PREP: variants seen among roughly 807,000 people sequenced by gnomAD.
The protein encoded by PREP is prolyl endopeptidase.
Under a neutral mutation model 87.6 loss-of-function variants are expected in PREP, and 29 were observed. That is an observed-to-expected ratio of 0.33 (90% CI 0.25 to 0.45). The LOEUF is 0.45. Among genes scored for constraint, PREP ranks in the 20% least tolerant of loss-of-function variants. PREP has a pLI of 1.00. For synonymous variants in PREP, 337 were observed against 328.6 expected (o/e 1.03, Z -0.28); for missense variants, 695 against 886.5 (o/e 0.78, Z 2.74).
intron 2 of PREP, among the ~76,000 whole-genome samples, chr6:105,383,184 T>C (rs1028658169): frequency 6.9e-6 from 1 of 145,352 alleles, no homozygotes; most frequent in Non-Finnish European, 1.5e-5. Flanking sequence ...CGTCCAGAAA[T>C]GGAAACAATA....
intron 10 of PREP, among the ~76,000 whole-genome samples, chr6:105,302,267 G>T (rs904311908): frequency 1.3e-5 from 2 of 152,212 alleles, no homozygotes; most frequent in African/African-American, 4.8e-5. Flanking sequence ...GCTGCACATG[G>T]AAGGCATATG....
chr6:105,323,835 C>CA (rs1771080914), intron 9 of PREP, 67 bp from the exon 10 acceptor site: 2 of 1,301,986 alleles, frequency 1.5e-6, no homozygotes, highest in East Asian at 4.6e-5. Flanking sequence ...GCAAGGATCA[C>CA]AAACCACAAC....
chr6:105,327,872 C>T (rs1383887372), intron 9 of PREP, among the ~76,000 whole-genome samples: 1 of 152,074 alleles, frequency 6.6e-6, no homozygotes, highest in Non-Finnish European at 1.5e-5. Context: ...GTGTGTATGG[C>T]CATGACGCTA....
chr6:105,333,553 G>C, intron 7 of PREP, 48 bp from the exon 8 acceptor site: 1 of 1,586,360 alleles, frequency 6.3e-7, no homozygotes, highest in African/African-American at 1.3e-5. Context: ...GTTTAAAAAT[G>C]GTGTTGCTTT....
At chr6:105,336,273 T>C (rs930782336) in intron 7 of PREP, among the ~76,000 whole-genome samples, 1 of 152,192 alleles carries the variant, frequency 6.6e-6, no homozygotes. Flanking sequence ...AAAATATACA[T>C]AAAATAAAAT....
intron 12 of PREP, among the ~76,000 whole-genome samples, chr6:105,284,511 G>A (rs967367931): frequency 6.6e-6 from 1 of 152,120 alleles, no homozygotes; most frequent in Non-Finnish European, 1.5e-5. Context: ...TATCTTAAGG[G>A]TGGTCTCTGA....
chr6:105,281,924 A>G (rs1770090160), intron 13 of PREP, 22 bp from the exon 14 acceptor site: 1 of 1,610,850 alleles, frequency 6.2e-7, no homozygotes, highest in Admixed American at 1.7e-5. Context: ...ACGTAGAAAG[A>G]AAAGGGAGGC....
At chr6:105,328,263 T>A (rs1258244460) in intron 9 of PREP, among the ~76,000 whole-genome samples, 2 of 135,442 alleles carry the variant, frequency 1.5e-5, no homozygotes, top group Admixed American at 1.4e-4. Context: ...TTGGTACTAA[T>A]TTTTTTTTTT....
At chr6:105,283,447 T>C (rs1770123767) in intron 12 of PREP, among the ~76,000 whole-genome samples, 1 of 152,206 alleles carries the variant, frequency 6.6e-6, no homozygotes, top group Admixed American at 6.5e-5. Context: ...AATTAGATAC[T>C]TGAGATTAAC....
Position 105,278,517 on chromosome 6 carries a change from G to A in PREP, c.1839-79C>T, listed in dbSNP as rs1224130547. On this transcript the variant is annotated intron_variant, in intron 14 of 14. Coordinates refer to ENST00000652536, the MANE Select transcript of PREP (RefSeq NM_002726.5). The surrounding 1 kb of genome is among the most constrained non-coding windows in gnomAD (Gnocchi z 4.2). Reference sequence around the variant, plus strand: ...GCACAGGGACCTAGGTAGTTAATTAGCAGTGAGGACTGCAGTTAACTAGTA... The same window carrying A: ...GCACAGGGACCTAGGTAGTTAATTAACAGTGAGGACTGCAGTTAACTAGTA... 1 of 1,418,718 alleles carries A rather than the reference G, an allele frequency of 7.0e-7. No individual in the cohort carries two copies. Among genetic ancestry groups the A allele is most frequent in the East Asian group, 2.3e-5 (1 of 43,470 alleles). The allele number at this position is 1,418,718 out of a possible 1,614,324, so 87.9% of individuals were successfully genotyped here.
Position 105,347,265 on chromosome 6 carries a change from T to C in PREP, c.823+5707A>G, listed in dbSNP as rs115277384. Among the ~76,000 whole-genome samples the C allele has an allele frequency of 2.0e-3, 297 of 152,304 alleles. 2 individuals are homozygous for C. The highest frequency in any genetic ancestry group is 6.6e-3 in the African/African-American group (274 of 41,552). ...CAGACACTCCCTCAAACTGATGATATCCACATCTTACCATCCAGCAGATGG... is the reference window on the plus strand; with the variant it reads ...CAGACACTCCCTCAAACTGATGATACCCACATCTTACCATCCAGCAGATGG... On this transcript the variant is annotated intron_variant, in intron 7 of 14. Transcript: ENST00000652536.
intron 10 of PREP, among the ~76,000 whole-genome samples, chr6:105,293,186 T>C (rs1258587743): frequency 1.3e-5 from 2 of 152,238 alleles, no homozygotes; most frequent in African/African-American, 2.4e-5. Flanking sequence ...CTCTTGCACA[T>C]TCCTTCCTCA....
chr6:105,292,510 A>G (rs1245700329), intron 10 of PREP, among the ~76,000 whole-genome samples: 3 of 152,222 alleles, frequency 2.0e-5, no homozygotes, highest in East Asian at 3.9e-4. Context: ...TGGTGTAAAC[A>G]GATGTGCTGT....
chr6:105,386,268 G>A (rs1481941170), intron 2 of PREP, among the ~76,000 whole-genome samples: 2 of 152,178 alleles, frequency 1.3e-5, no homozygotes, highest in Admixed American at 6.5e-5. Flanking sequence ...ACATTGCTAA[G>A]GGTTCTCATT....
chr6:105,338,952 T>C (rs1771554927), intron 7 of PREP, among the ~76,000 whole-genome samples: 1 of 152,178 alleles, frequency 6.6e-6, no homozygotes, highest in Admixed American at 6.5e-5. Context: ...ACTCCACCTC[T>C]GGGGGCAGGG....
chr6:105,322,063 C>A (rs1771025630), intron 10 of PREP, among the ~76,000 whole-genome samples: 2 of 151,932 alleles, frequency 1.3e-5, no homozygotes, highest in Non-Finnish European at 2.9e-5. Flanking sequence ...CTGATAGGGA[C>A]ACATTTTCTA....
Position 105,277,190 on chromosome 6 carries a change from T to C in PREP, c.*954A>G, listed in dbSNP as rs1458943078. 6.7e-6 allele frequency among the ~76,000 whole-genome samples: 1 copy of C among 150,100 alleles called. No individual in the cohort carries two copies. The highest frequency in any genetic ancestry group is 1.5e-5 in the Non-Finnish European group (1 of 67,724). ...TTTTTTTTTTTTTCCAGTAAGTAAG[T>C]ATGACTATTTCTATTTCCAGGAGTG... On this transcript the variant is annotated 3_prime_UTR_variant, in exon 15 of 15. Coordinates refer to ENST00000652536, the MANE Select transcript of PREP (RefSeq NM_002726.5).
chr6:105,375,118 G>A (rs1215224182), intron 4 of PREP, among the ~76,000 whole-genome samples: 3 of 152,070 alleles, frequency 2.0e-5, no homozygotes, highest in African/African-American at 4.8e-5. Context: ...ATACTGGTTC[G>A]ATAAAGGATC....
At chr6:105,287,717 G>A (rs1403967426) in intron 11 of PREP, among the ~76,000 whole-genome samples, 1 of 152,160 alleles carries the variant, frequency 6.6e-6, no homozygotes, top group Admixed American at 6.6e-5. Flanking sequence ...AAAGATCCTG[G>A]ATGAATCTGT....
Sources: gnomAD v4.1 joint callset for allele counts (sites outside exome capture counted in the v4.1 genomes callset) on GRCh38, gnomAD v4.1.1 for gene constraint, Gnocchi (gnomAD v3.1) non-coding constraint, MANE v1.5 for transcripts, NCBI Gene and HGNC (gene_info 2026-07-23, HGNC 2026-07-21) for gene names.